The following DOCK9 variants were observed in gnomAD, a reference collection of about 807,000 sequenced individuals.
DOCK9 encodes dedicator of cytokinesis 9.
A neutral mutation model predicts 263.3 loss-of-function variants in DOCK9; 89 were observed. The ratio of observed to expected loss-of-function variants is 0.34; its 90% CI spans 0.28 to 0.40. The LOEUF (loss-of-function observed/expected upper bound fraction) is 0.40. Ranked by LOEUF, DOCK9 falls within the 10% of genes least tolerant of loss-of-function variation. DOCK9 has a pLI of 1.00. For missense variants in DOCK9, 2,140 were observed against 2,603.4 expected, an observed-to-expected ratio of 0.82 and a Z score of 3.87; for synonymous variants, 976 against 973.1, an observed-to-expected ratio of 1.00 and a Z score of -0.06.
chr13:98,809,514 T>C (rs770064223), intron 46 of DOCK9, 49 bp from the exon 47 acceptor site: 2 of 1,463,874 alleles, frequency 1.4e-6, no homozygotes, highest in African/African-American at 2.9e-5. Context: ...AAGAGGAGAA[T>C]CGATTTTAAA....
intron 27 of DOCK9, 33 bp downstream of exon 27, chr13:98,879,865 T>C: frequency 6.4e-7 from 1 of 1,562,494 alleles, no homozygotes; most frequent in South Asian, 1.2e-5. Flanking sequence ...TCTTTTCCCC[T>C]AAGAACACAA....
chr13:98,958,589 A>G (rs1227002074), intron 1 of DOCK9, among the ~76,000 whole-genome samples: 1 of 152,264 alleles, frequency 6.6e-6, no homozygotes, highest in African/African-American at 2.4e-5. Flanking sequence ...AAGTAAACAC[A>G]TGGGCATGGC....
intron 1 of DOCK9, among the ~76,000 whole-genome samples, chr13:99,073,415 C>A (rs1287760355): frequency 3.3e-5 from 5 of 150,762 alleles, no homozygotes; most frequent in African/African-American, 4.9e-5. Context: ...ATGCTTCCTC[C>A]CTTATGCTCA....
intron 37 of DOCK9, chr13:98,847,461 A>G (rs539302065): frequency 1.1e-4 from 17 of 152,362 alleles, no homozygotes; most frequent in African/African-American, 2.9e-4. Flanking sequence ...AAGTGCTACC[A>G]CATTTCAATG....
At chr13:98,892,055 T>G (rs1464223643) in intron 15 of DOCK9, among the ~76,000 whole-genome samples, 1 of 152,174 alleles carries the variant, frequency 6.6e-6, no homozygotes, top group African/African-American at 2.4e-5. Context: ...GTACCTATAT[T>G]CTATGCAAAA....
chr13:98,833,679 T>C lies in DOCK9; in HGVS notation c.4315-1893A>G, dbSNP rs142221347. On this transcript the variant is annotated intron_variant, in intron 39 of 52. Coordinates refer to ENST00000682017, the MANE Select transcript of DOCK9 (RefSeq NM_001366683.2). Reference sequence around the variant, plus strand: ...TAAACCTCAAATATATACAATAAAATTTATTTTTAAAAAGACGTAAATAAC... The same window carrying C: ...TAAACCTCAAATATATACAATAAAACTTATTTTTAAAAAGACGTAAATAAC... 4.2e-3 allele frequency among the ~76,000 whole-genome samples: 640 copies of C among 152,314 alleles called. 19 individuals carry two copies. The highest frequency in any genetic ancestry group is 7.3e-3 in the East Asian group (38 of 5,194).
chr13:98,956,386 C>T (rs2058065853), intron 1 of DOCK9, among the ~76,000 whole-genome samples: 1 of 152,176 alleles, frequency 6.6e-6, no homozygotes, highest in Non-Finnish European at 1.5e-5. Flanking sequence ...GATAAAAATA[C>T]ATATTCAACT....
Position 98,883,234 on chromosome 13 carries a change from T to TC in DOCK9, c.2470-104_2470-103insG, listed in dbSNP as rs2045126912. 6 of 952,692 alleles carry TC rather than the reference T, an allele frequency of 6.3e-6. No individual in the cohort carries two copies. The African/African-American group carries it at 1.0e-4, about 16-fold the overall frequency. The allele number at this position is 952,692 out of a possible 1,614,324, so 59.0% of individuals were successfully genotyped here. A position where few individuals can be genotyped will look rare whatever the true frequency, so the allele number is the denominator to read the frequency against. On this transcript the variant is annotated intron_variant, in intron 22 of 52. Coordinates refer to ENST00000682017, the MANE Select transcript of DOCK9 (RefSeq NM_001366683.2). The stretch of plus-strand genomic sequence containing the variant: ...CAGCATGCTTTTTTGCTGTATGTTG[T>TC]TGTTGTTGTTGTTGTTGTTGCTGTT...
At chr13:99,000,141 G>A (rs1881993074) in intron 1 of DOCK9, among the ~76,000 whole-genome samples, 1 of 152,090 alleles carries the variant, frequency 6.6e-6, no homozygotes, top group Admixed American at 6.5e-5. Flanking sequence ...TGGGATCTGG[G>A]AGAAAATACA....
Position 99,035,905 on chromosome 13 carries a change from C to G in DOCK9, c.129+50318G>C, listed in dbSNP as rs551767638. Among the ~76,000 whole-genome samples, 35 of 152,194 alleles carry G rather than the reference C, an allele frequency of 2.3e-4. 1 individual carries two copies. In the South Asian group the frequency reaches 7.3e-3, roughly 32 times the overall value. On this transcript the variant is annotated intron_variant, in intron 1 of 32. Transcript: ENST00000427887. ...ATAATCTGGGAGGGCCTCATCCAAG[C>G]AGTTGAAGACCTTAAGAAAAGGACC... is the stretch of plus-strand genomic sequence containing the variant.
chr13:98,917,699 G>A (rs2051128521), intron 7 of DOCK9, among the ~76,000 whole-genome samples: 1 of 127,862 alleles, frequency 7.8e-6, no homozygotes, highest in East Asian at 2.3e-4. Context: ...TTGTTTGTTT[G>A]CTTTTTGTAT....
chr13:98,999,924 G>C (rs1413581061), intron 1 of DOCK9, among the ~76,000 whole-genome samples: 1 of 152,128 alleles, frequency 6.6e-6, no homozygotes, highest in Non-Finnish European at 1.5e-5. Context: ...TTGCACCAAA[G>C]TTCCCAGGCA....
At chr13:99,002,893 T>C (rs1882645183) in intron 1 of DOCK9, among the ~76,000 whole-genome samples, 1 of 152,148 alleles carries the variant, frequency 6.6e-6, no homozygotes, top group Non-Finnish European at 1.5e-5. Flanking sequence ...CTTGGCTTCC[T>C]CATCTATAAA....
intron 2 of DOCK9, among the ~76,000 whole-genome samples, chr13:98,932,319 C>A (rs867860621): frequency 6.6e-6 from 1 of 152,076 alleles, no homozygotes; most frequent in South Asian, 2.1e-4. Context: ...CACTTGAACC[C>A]GGGAGGCGGA....
At chr13:98,878,482 T>C (rs1401300951) in intron 27 of DOCK9, among the ~76,000 whole-genome samples, 1 of 152,246 alleles carries the variant, frequency 6.6e-6, no homozygotes, top group Non-Finnish European at 1.5e-5. Flanking sequence ...AGCTCCCACA[T>C]ATCAGTAAGA....
intron 32 of DOCK9, 122 bp from the exon 33 acceptor site, chr13:98,860,644 G>T: frequency 1.1e-6 from 1 of 882,048 alleles, no homozygotes; most frequent in Non-Finnish European, 1.7e-6. Flanking sequence ...GTGCCTGCCT[G>T]CATGGGAGGA....
intron 1 of DOCK9, among the ~76,000 whole-genome samples, chr13:98,992,513 T>G (rs1015147162): frequency 5.3e-5 from 8 of 152,160 alleles, no homozygotes; most frequent in African/African-American, 1.7e-4. Context: ...GTAATAATCC[T>G]CACGTGTCAT....
intron 38 of DOCK9, among the ~76,000 whole-genome samples, chr13:98,843,565 T>G (rs1039060971): frequency 6.6e-6 from 1 of 152,124 alleles, no homozygotes; most frequent in African/African-American, 2.4e-5. Flanking sequence ...CAGAACCAAT[T>G]CGGAATGAGC....
Position 98,902,999 on chromosome 13 carries a change from G to T in DOCK9, c.1149C>A (p.Ala383=). 1.3e-6 allele frequency: 2 copies of T among 1,506,732 alleles called. No homozygotes were observed. The highest frequency in any genetic ancestry group is 1.8e-6 in the Non-Finnish European group (2 of 1,132,294). The allele number at this position is 1,506,732 out of a possible 1,614,324, so 93.3% of individuals were successfully genotyped here. The change falls in exon 11 of 53, where the codon GCC becomes GCA. Residue 383 remains alanine, a synonymous_variant. Transcript: ENST00000682017. ...DLSFNLQCCV[A]ENEEGPTTNV... is the part of the protein sequence containing the mutation. ...TTGTAGTGGGTCCTTCTTCATTTTC[G>T]GCAACACAGCATTGCAAATTGAAAG...
Sources: gnomAD v4.1 joint callset for allele counts (sites outside exome capture counted in the v4.1 genomes callset) on GRCh38, gnomAD v4.1.1 for gene constraint, MANE v1.5 for transcripts, NCBI Gene and HGNC (gene_info 2026-07-23, HGNC 2026-07-21) for gene names.